Variants in SORCS2 observed in about 807,000 individuals in gnomAD.
SORCS2 encodes the protein sortilin related VPS10 domain containing receptor 2, also known as VPS10 domain-containing receptor SorCS2.
A neutral mutation model predicts 141.6 loss-of-function variants in SORCS2; 100 were observed. The observed-to-expected ratio is 0.71, with a 90% CI of 0.60 to 0.83. SORCS2 has a LOEUF of 0.83. Ranked by LOEUF, SORCS2 falls within the 40% of genes least tolerant of loss-of-function variation. The probability of loss-of-function intolerance (pLI) is 0.00; values close to 1 mark genes in which losing one functional copy is unlikely to be tolerated. For synonymous variants in SORCS2, 789 were observed against 676.9 expected, an observed-to-expected ratio of 1.17 and a Z score of -2.57; for missense variants, 1,646 against 1,560.2, an observed-to-expected ratio of 1.05 and a Z score of -0.93.
At chr4:7,472,443 C>G (rs1730034421) in intron 2 of SORCS2, among the ~76,000 whole-genome samples, 1 of 152,148 alleles carries the variant, frequency 6.6e-6, no homozygotes, top group Non-Finnish European at 1.5e-5. Context: ...TCCACAGAGC[C>G]TGCAGCTGGT....
chr4:7,607,521 C>T (rs9884244), intron 3 of SORCS2, among the ~76,000 whole-genome samples: 3,554 of 152,204 alleles, frequency 0.023, 157 homozygotes, highest in African/African-American at 0.08. Flanking sequence ...GGTGTTACAG[C>T]GATGGCCCAT....
At chr4:7,228,756 G>T (rs757169116) in intron 1 of SORCS2, among the ~76,000 whole-genome samples, 1 of 152,234 alleles carries the variant, frequency 6.6e-6, no homozygotes, top group African/African-American at 2.4e-5. Flanking sequence ...CTCTGGGGCT[G>T]CTGTGGCCAC....
chr4:7,356,922 G>A (rs1240407190), intron 1 of SORCS2, among the ~76,000 whole-genome samples: 1 of 152,234 alleles, frequency 6.6e-6, no homozygotes, highest in Non-Finnish European at 1.5e-5. Context: ...CACTTGCTCT[G>A]CAGAAACAAT....
intron 3 of SORCS2, among the ~76,000 whole-genome samples, chr4:7,632,304 G>C (rs915657833): frequency 2.6e-5 from 4 of 152,100 alleles, no homozygotes; most frequent in Admixed American, 2.6e-4. Context: ...CCAGCCTCCT[G>C]GGCCCCCAGA....
At position 7,683,874 on chromosome 4, in the gene SORCS2, T is replaced by C. The variant is rs576563629; in HGVS notation, c.1488+985T>C. Reference sequence around the variant, plus strand: ...AAGTAGCTGGGACTCTTGCCCGCTCTCATGTGGCTACCAGGGATCCAGGTG... The same window carrying C: ...AAGTAGCTGGGACTCTTGCCCGCTCCCATGTGGCTACCAGGGATCCAGGTG... On this transcript the variant is annotated intron_variant, in intron 10 of 26. Transcript: ENST00000507866. 7.2e-5 allele frequency among the ~76,000 whole-genome samples: 11 copies of C among 152,310 alleles called. No individual in the cohort carries two copies. The South Asian group carries it at 2.1e-3, about 29-fold the overall frequency.
intron 12 of SORCS2, among the ~76,000 whole-genome samples, chr4:7,698,635 G>A (rs914154086): frequency 6.6e-6 from 1 of 152,208 alleles, no homozygotes; most frequent in Non-Finnish European, 1.5e-5. Context: ...CGCTTTTGCC[G>A]AGGAATTTGC....
intron 1 of SORCS2, among the ~76,000 whole-genome samples, chr4:7,255,902 TGGAGCGTGGGGCCCCGGGGC>T: frequency 1.4e-4 from 1 of 6,994 alleles, no homozygotes; most frequent in African/African-American, 5.9e-4. Context: ...GACCCGGGGC[TGGAGCGTGGGGCCCCGGGGC>T]TGGAGCGTGG....
chr4:7,660,226 C>A (rs1002699075), intron 5 of SORCS2, among the ~76,000 whole-genome samples: 1 of 152,212 alleles, frequency 6.6e-6, no homozygotes, highest in Non-Finnish European at 1.5e-5. Flanking sequence ...AAAGACTTCG[C>A]CCAGCAGGGC....
intron 3 of SORCS2, among the ~76,000 whole-genome samples, chr4:7,631,301 T>G (rs1482383326): frequency 6.6e-6 from 1 of 150,624 alleles, no homozygotes; most frequent in Admixed American, 6.6e-5. Context: ...CCAGATGGGA[T>G]GCAGGTCAGG....
chr4:7,544,987 G>T (rs765324087), intron 3 of SORCS2, among the ~76,000 whole-genome samples: 32 of 152,224 alleles, frequency 2.1e-4, no homozygotes, highest in Non-Finnish European at 4.3e-4. Flanking sequence ...TAGCCAGGCA[G>T]CCTCCCCTGT....
intron 11 of SORCS2, among the ~76,000 whole-genome samples, chr4:7,695,596 GTGGGTGGA>G (rs1724594159): frequency 4.9e-4 from 7 of 14,252 alleles, no homozygotes; most frequent in Admixed American, 8.3e-4. Context: ...TGGTGGGTGG[GTGGGTGGA>G]TGGATGGATG....
At chr4:7,262,315 TATCCATCCATCCATCCATCTATCC>T (rs1714397125) in intron 1 of SORCS2, among the ~76,000 whole-genome samples, 1 of 131,298 alleles carries the variant, frequency 7.6e-6, no homozygotes, top group South Asian at 2.7e-4. Flanking sequence ...TCCAACCACC[TATCCATCCATCCATCCATCTATCC>T]ATCCATCCAT....
intron 2 of SORCS2, among the ~76,000 whole-genome samples, chr4:7,497,637 C>T (rs1461388480): frequency 2.6e-5 from 4 of 152,254 alleles, no homozygotes; most frequent in African/African-American, 9.6e-5. Flanking sequence ...CAGCTCTGTG[C>T]CTGGTCCTGC....
Position 7,395,571 on chromosome 4 carries a change from CAGTT to C in SORCS2, c.481-714_481-711del, listed in dbSNP as rs544342317. Among the ~76,000 whole-genome samples the C allele has an allele frequency of 3.3e-4, 51 of 152,314 alleles. 2 individuals carry two copies. In the South Asian group the frequency reaches 9.5e-3, roughly 28 times the overall value. The stretch of plus-strand genomic sequence containing the variant: ...TTGTTTACACAGTTATTTCAAAAGA[CAGTT>C]AGGTGCTCCTAAACACTTTTATTTT... On this transcript the variant is annotated intron_variant, in intron 1 of 26. Transcript: ENST00000507866.
At chr4:7,581,187 TGAAAAAG>T (rs1274005389) in intron 3 of SORCS2, among the ~76,000 whole-genome samples, 1 of 150,524 alleles carries the variant, frequency 6.6e-6, no homozygotes, top group African/African-American at 2.4e-5. Flanking sequence ...AGTTTTTTAA[TGAAAAAG>T]GAAAAAGGGT....
intron 3 of SORCS2, among the ~76,000 whole-genome samples, chr4:7,602,405 G>C (rs1432650512): frequency 5.9e-5 from 9 of 151,524 alleles, no homozygotes; most frequent in African/African-American, 2.2e-4. Context: ...CAGACGGGGC[G>C]GCCGGGCAGA....
chr4:7,709,752 T>A (rs1057509531), intron 14 of SORCS2, among the ~76,000 whole-genome samples: 1 of 152,160 alleles, frequency 6.6e-6, no homozygotes, highest in East Asian at 1.9e-4. Context: ...ACCTCTAACC[T>A]GGCCAGAGGC....
At chr4:7,510,098 T>C (rs1732524450) in intron 2 of SORCS2, among the ~76,000 whole-genome samples, 1 of 152,232 alleles carries the variant, frequency 6.6e-6, no homozygotes, top group Admixed American at 6.5e-5. Context: ...GACTCGATGA[T>C]TGGAGAAAGT....
intron 2 of SORCS2, among the ~76,000 whole-genome samples, chr4:7,429,134 A>ACAC (rs1726653185): frequency 6.6e-6 from 1 of 152,186 alleles, no homozygotes; most frequent in Admixed American, 6.5e-5. Context: ...ATTGAGGCAC[A>ACAC]TGCGTGAGTG....
Sources: gnomAD v4.1 joint callset for allele counts (sites outside exome capture counted in the v4.1 genomes callset) on GRCh38, gnomAD v4.1.1 for gene constraint, MANE v1.5 for transcripts, NCBI Gene and HGNC (gene_info 2026-07-23, HGNC 2026-07-21) for gene names.